Variants in RASSF8 observed in about 807,000 individuals in gnomAD.
RASSF8 encodes the protein Ras association domain family member 8.
A neutral mutation model predicts 48.5 loss-of-function variants in RASSF8; 22 were observed. The ratio of observed to expected loss-of-function variants is 0.45; its 90% CI spans 0.32 to 0.65. RASSF8 has a LOEUF of 0.65. Among genes scored for constraint, RASSF8 ranks in the 30% least tolerant of loss-of-function variants. RASSF8 has a pLI of 0.03. For missense variants in RASSF8, 418 were observed against 489.2 expected (o/e 0.85, Z 1.37); for synonymous variants, 127 against 171.5 (o/e 0.74, Z 2.03).
At chr12:26,073,702 G>A (rs1944038971), downstream of RASSF8, among the ~76,000 whole-genome samples, 1 of 150,666 alleles carries the variant, frequency 6.6e-6, no homozygotes, top group Admixed American at 6.6e-5. Context: ...TCGCACCACT[G>A]CATTCCAGCC....
At chr12:25,968,337 TTTTA>T (rs1232522652) in intron 1 of RASSF8, among the ~76,000 whole-genome samples, 2 of 152,124 alleles carry the variant, frequency 1.3e-5, no homozygotes, top group Non-Finnish European at 2.9e-5. Flanking sequence ...GTTCTTTATT[TTTTA>T]TTTATTTATT....
Position 26,070,960 on chromosome 12 carries a change from C to T in RASSF8, c.*2142C>T. Reference sequence around the variant, plus strand: ...CAGCATCCTAGCAACTTGTAGTAGTCTTGGGTTCCCAGCAGAGTATCACAG... The same window carrying T: ...CAGCATCCTAGCAACTTGTAGTAGTTTTGGGTTCCCAGCAGAGTATCACAG... On this transcript the variant is annotated 3_prime_UTR_variant, in exon 6 of 6. Coordinates refer to ENST00000689635, the MANE Select transcript of RASSF8 (RefSeq NM_001394098.1). 8 of 984,208 alleles carry T rather than the reference C, an allele frequency of 8.1e-6. No individual in the cohort carries two copies. Among genetic ancestry groups the T allele is most frequent in the Non-Finnish European group, 9.7e-6 (8 of 828,846 alleles). The allele number at this position is 984,208 out of a possible 1,614,324, so 61.0% of individuals were successfully genotyped here.
chr12:26,063,923 CAG>C (rs971330958), intron 3 of RASSF8, among the ~76,000 whole-genome samples: 12 of 152,060 alleles, frequency 7.9e-5, no homozygotes, highest in African/African-American at 2.9e-4. Flanking sequence ...GTGGAGCACT[CAG>C]GTGGAGATGG....
chr12:26,006,681 C>T (rs1033972054), intron 2 of RASSF8, among the ~76,000 whole-genome samples: 1 of 152,102 alleles, frequency 6.6e-6, no homozygotes, highest in African/African-American at 2.4e-5. Flanking sequence ...ATTGCTGTTC[C>T]AGGTAAACCA....
chr12:26,005,766 CCTGT>C (rs945557897), intron 2 of RASSF8, among the ~76,000 whole-genome samples: 80 of 152,026 alleles, frequency 5.3e-4, no homozygotes, highest in African/African-American at 1.9e-3. Flanking sequence ...CAGCTAATGC[CCTGT>C]CTGTTTCTCC....
At chr12:26,004,182 TAAA>T (rs1406855517) in intron 2 of RASSF8, among the ~76,000 whole-genome samples, 1 of 151,620 alleles carries the variant, frequency 6.6e-6, no homozygotes, top group Non-Finnish European at 1.5e-5. Context: ...GTCTCAAACA[TAAA>T]AAACAAAACT....
intron 2 of RASSF8, chr12:26,021,422 A>G (rs1350894545): frequency 6.6e-6 from 1 of 152,222 alleles, no homozygotes; most frequent in Non-Finnish European, 1.5e-5. Context: ...TAAGGGCTCT[A>G]CAGATCCCAA....
At chr12:26,012,979 C>T (rs138347160) in intron 2 of RASSF8, among the ~76,000 whole-genome samples, 14 of 152,244 alleles carry the variant, frequency 9.2e-5, no homozygotes, top group African/African-American at 2.9e-4. Context: ...CCTGGCCTCA[C>T]GTGAGTTTTA....
At chr12:26,026,978 A>G (rs1942927968) in intron 2 of RASSF8, among the ~76,000 whole-genome samples, 1 of 152,224 alleles carries the variant, frequency 6.6e-6, no homozygotes, top group African/African-American at 2.4e-5. Flanking sequence ...ATAATAGCCA[A>G]AAATAGAAAC....
chr12:26,044,845 G>GCA (rs1943339206), intron 2 of RASSF8, among the ~76,000 whole-genome samples: 1 of 152,038 alleles, frequency 6.6e-6, no homozygotes, highest in African/African-American at 2.4e-5. Flanking sequence ...TTGCAGAGCA[G>GCA]CACACAGTAT....
intron 1 of RASSF8, among the ~76,000 whole-genome samples, chr12:25,966,080 T>C (rs1592211893): frequency 6.6e-6 from 1 of 152,194 alleles, no homozygotes; most frequent in African/African-American, 2.4e-5. Context: ...TTATGGTAGG[T>C]GTATGCTTAG....
Position 25,992,747 on chromosome 12 carries a change from GA to G in RASSF8, c.-202-2284del, listed in dbSNP as rs1260818513. On this transcript the variant is annotated intron_variant, in intron 1 of 5. Coordinates refer to ENST00000689635, the MANE Select transcript of RASSF8 (RefSeq NM_001394098.1). Reference sequence around the variant, plus strand: ...GGGAAGGGATGTGAAGGGGTTTGTGGAAAAAACACAGTGCCTGCAGTTTCCT... The same window carrying G: ...GGGAAGGGATGTGAAGGGGTTTGTGGAAAAACACAGTGCCTGCAGTTTCCT... Among the ~76,000 whole-genome samples, 5 of 152,186 alleles carry G rather than the reference GA, an allele frequency of 3.3e-5. No homozygotes were observed. In the East Asian group the frequency reaches 9.6e-4, roughly 29 times the overall value.
chr12:26,011,659 G>A (rs910490344), intron 2 of RASSF8: 25 of 152,138 alleles, frequency 1.6e-4, no homozygotes, highest in African/African-American at 5.8e-4. Flanking sequence ...TCATAAATGG[G>A]ATTAGTGCCT....
chr12:25,983,218 A>C (rs1308215233), intron 1 of RASSF8, among the ~76,000 whole-genome samples: 1 of 145,390 alleles, frequency 6.9e-6, no homozygotes, highest in African/African-American at 2.6e-5. Context: ...AATATGAGTA[A>C]ATTGCAAGTG....
At chr12:26,068,560 C>T in intron 5 of RASSF8, 137 bp from the exon 6 acceptor site, 1 of 680,104 alleles carries the variant, frequency 1.5e-6, no homozygotes, top group South Asian at 1.9e-5. Context: ...TCTCCCCCAG[C>T]CCAGGGCACA....
intron 1 of RASSF8, among the ~76,000 whole-genome samples, chr12:25,964,259 A>G (rs996764439): frequency 2.0e-5 from 3 of 151,662 alleles, no homozygotes; most frequent in Non-Finnish European, 2.9e-5. Flanking sequence ...CAGACTTGCT[A>G]TAGGATTTAG....
intron 1 of RASSF8, among the ~76,000 whole-genome samples, chr12:25,966,883 A>G (rs1941372169): frequency 6.6e-6 from 1 of 152,136 alleles, no homozygotes. Context: ...ATTTTCTCCT[A>G]TGTTTTCTTC....
chr12:26,066,606 C>G (rs1019058743), intron 4 of RASSF8, among the ~76,000 whole-genome samples: 2 of 152,156 alleles, frequency 1.3e-5, no homozygotes, highest in Non-Finnish European at 2.9e-5. Context: ...AGTTGTGTTG[C>G]TTTTGATATC....
chr12:26,000,087 A>G (rs967216493), intron 2 of RASSF8, among the ~76,000 whole-genome samples: 3 of 152,234 alleles, frequency 2.0e-5, no homozygotes, highest in Non-Finnish European at 4.4e-5. Flanking sequence ...TTTATAGAAT[A>G]AATAAGAGCC....
Sources: allele counts gnomAD v4.1 joint callset (sites outside exome capture counted in the v4.1 genomes callset), GRCh38; gene constraint gnomAD v4.1.1; transcripts MANE v1.5; gene names NCBI Gene and HGNC (gene_info 2026-07-23, HGNC 2026-07-21).